GRID2: variants seen among roughly 807,000 people sequenced by gnomAD.
The protein encoded by GRID2 is glutamate ionotropic receptor delta type subunit 2.
A neutral mutation model predicts 114.8 loss-of-function variants in GRID2; 33 were observed. That is an observed-to-expected ratio of 0.29 (90% confidence interval 0.22 to 0.38). The LOEUF (loss-of-function observed/expected upper bound fraction) is 0.38. GRID2 is among the 10% of genes least tolerant of loss of function. The pLI, the probability that GRID2 is intolerant of heterozygous loss-of-function variation, is 1.00. For synonymous variants in GRID2, 505 were observed against 449.9 expected, an observed-to-expected ratio of 1.12 and a Z score of -1.55; for missense variants, 1,184 against 1,257.7, an observed-to-expected ratio of 0.94 and a Z score of 0.89.
At chr4:92,642,533 C>T (rs1231450886) in intron 2 of GRID2, among the ~76,000 whole-genome samples, 1 of 151,750 alleles carries the variant, frequency 6.6e-6, no homozygotes, top group Non-Finnish European at 1.5e-5. Flanking sequence ...GGAGATGAGA[C>T]CTTTGTCAGA....
chr4:92,569,650 T>G (rs1215635140), intron 1 of GRID2, among the ~76,000 whole-genome samples: 3 of 152,060 alleles, frequency 2.0e-5, no homozygotes, highest in Non-Finnish European at 2.9e-5. Flanking sequence ...TTATTGACTT[T>G]TTAATGTCTA....
chr4:92,972,125 T>G (rs992564261), intron 2 of GRID2, among the ~76,000 whole-genome samples: 2 of 152,106 alleles, frequency 1.3e-5, no homozygotes, highest in African/African-American at 4.8e-5. Flanking sequence ...TTCCATACTG[T>G]TCTCCATAGC....
chr4:92,794,689 G>A (rs181023055), intron 2 of GRID2, among the ~76,000 whole-genome samples: 2 of 151,104 alleles, frequency 1.3e-5, no homozygotes, highest in South Asian at 4.2e-4. Flanking sequence ...AAGGAATAGA[G>A]ATATCCAAAT....
intron 14 of GRID2, among the ~76,000 whole-genome samples, chr4:93,755,040 AT>A (rs1254073956): frequency 5.9e-5 from 9 of 152,314 alleles, no homozygotes; most frequent in Middle Eastern, 6.8e-3. Context: ...AGCTCTTGCC[AT>A]TATCATGGAA....
At chr4:92,856,484 A>T (rs769588622) in intron 2 of GRID2, among the ~76,000 whole-genome samples, 1 of 152,210 alleles carries the variant, frequency 6.6e-6, no homozygotes, top group African/African-American at 2.4e-5. Flanking sequence ...CAAAAATACA[A>T]GTAAATTTGT....
chr4:93,599,235 A>C (rs1434700262), intron 13 of GRID2, among the ~76,000 whole-genome samples: 1 of 152,216 alleles, frequency 6.6e-6, no homozygotes, highest in African/African-American at 2.4e-5. Flanking sequence ...TTCAGCATCT[A>C]TTCCACTAGA....
At chr4:93,487,795 T>C (rs574584601) in intron 11 of GRID2, among the ~76,000 whole-genome samples, 1 of 152,102 alleles carries the variant, frequency 6.6e-6, no homozygotes, top group East Asian at 1.9e-4. Context: ...TCTTTAGCTC[T>C]GAAAACACAT....
At chr4:93,244,582 ATTATATAAT>A (rs1747970790) in intron 8 of GRID2, among the ~76,000 whole-genome samples, 14 of 36,696 alleles carry the variant, frequency 3.8e-4, no homozygotes, top group African/African-American at 9.6e-4. Context: ...TAATTAATAG[ATTATATAAT>A]CTATTATATA....
intron 2 of GRID2, among the ~76,000 whole-genome samples, chr4:92,963,146 G>A (rs749781806): frequency 2.6e-5 from 4 of 151,982 alleles, no homozygotes; most frequent in African/African-American, 4.8e-5. Context: ...TCCTTTTGCT[G>A]GTGGAGAGTC....
intron 1 of GRID2, among the ~76,000 whole-genome samples, chr4:92,574,179 T>C (rs1350956152): frequency 6.6e-6 from 1 of 152,006 alleles, no homozygotes; most frequent in Non-Finnish European, 1.5e-5. Flanking sequence ...CCAACGCCTA[T>C]GTGTGTCTTT....
At chr4:93,322,705 C>T (rs1757368234) in intron 8 of GRID2, among the ~76,000 whole-genome samples, 1 of 152,112 alleles carries the variant, frequency 6.6e-6, no homozygotes, top group Non-Finnish European at 1.5e-5. Context: ...TCTCCAGTAC[C>T]TGTTGTTTCC....
intron 2 of GRID2, among the ~76,000 whole-genome samples, chr4:93,044,084 A>G (rs1282562821): frequency 6.6e-6 from 1 of 152,124 alleles, no homozygotes; most frequent in Non-Finnish European, 1.5e-5. Flanking sequence ...TATTTAGATA[A>G]CTGCAGAAAA....
At chr4:93,415,963 A>C (rs192077718) in intron 9 of GRID2, among the ~76,000 whole-genome samples, 1 of 152,136 alleles carries the variant, frequency 6.6e-6, no homozygotes, top group Admixed American at 6.6e-5. Context: ...AAAACATTTA[A>C]GGAAAGATTA....
intron 2 of GRID2, among the ~76,000 whole-genome samples, chr4:92,931,895 T>C (rs2149521360): frequency 6.6e-6 from 1 of 151,184 alleles, no homozygotes; most frequent in Non-Finnish European, 1.5e-5. Flanking sequence ...TAATAGAAAA[T>C]TCTCAAATTA....
intron 4 of GRID2, among the ~76,000 whole-genome samples, chr4:93,206,233 A>G (rs1023481883): frequency 2.6e-5 from 4 of 152,048 alleles, no homozygotes; most frequent in East Asian, 1.9e-4. Context: ...GTGTTAAAAA[A>G]CAAAGATTCT....
intron 3 of GRID2, among the ~76,000 whole-genome samples, chr4:93,104,013 C>T (rs1221796844): frequency 2.0e-5 from 3 of 151,256 alleles, no homozygotes; most frequent in Non-Finnish European, 2.9e-5. Flanking sequence ...AAGCATAGTA[C>T]CCAATTCATT....
intron 1 of GRID2, among the ~76,000 whole-genome samples, chr4:92,531,042 C>T (rs1725329284): frequency 1.3e-5 from 2 of 151,986 alleles, no homozygotes; most frequent in African/African-American, 4.8e-5. Flanking sequence ...CAGGCATATA[C>T]TGATGTATTT....
chr4:92,310,861 C>T (rs1475616818), intron 1 of GRID2, among the ~76,000 whole-genome samples: 2 of 151,776 alleles, frequency 1.3e-5, no homozygotes, highest in African/African-American at 4.8e-5. Context: ...TTAATAGCTG[C>T]CTTAGAGTGA....
intron 8 of GRID2, among the ~76,000 whole-genome samples, chr4:93,393,251 T>A (rs1048929051): frequency 3.3e-5 from 5 of 151,922 alleles, no homozygotes; most frequent in Non-Finnish European, 7.4e-5. Flanking sequence ...AAGGAAGAAC[T>A]AAGTAAATGG....
Sources: allele counts gnomAD v4.1 joint callset (sites outside exome capture counted in the v4.1 genomes callset), GRCh38; gene constraint gnomAD v4.1.1; transcripts MANE v1.5; gene names NCBI Gene and HGNC (gene_info 2026-07-23, HGNC 2026-07-21).